Variants in CSMD1 observed in about 807,000 individuals in gnomAD.
The protein encoded by CSMD1 is CUB and Sushi multiple domains 1, also known as CUB and sushi domain-containing protein 1.
In CSMD1, 213 loss-of-function variants were observed where a neutral mutation model predicts 417.5. The ratio of observed to expected loss-of-function variants is 0.51; its 90% CI spans 0.46 to 0.57. The LOEUF is 0.57. Among genes scored for constraint, CSMD1 ranks in the 20% least tolerant of loss-of-function variants. The pLI is 0.00. For missense variants in CSMD1, 6,923 were observed against 4,529.7 expected, an observed-to-expected ratio of 1.53 and a Z score of -15.17; for synonymous variants, 2,862 against 1,736.8, an observed-to-expected ratio of 1.65 and a Z score of -16.11.
intron 1 of CSMD1, among the ~76,000 whole-genome samples, chr8:4,851,970 T>A (rs1166302731): frequency 6.6e-6 from 1 of 152,182 alleles, no homozygotes; most frequent in African/African-American, 2.4e-5. Context: ...AGTCTAAGTT[T>A]TTTCCCTATA....
At chr8:4,183,122 G>C (rs569794459) in intron 3 of CSMD1, among the ~76,000 whole-genome samples, 2 of 152,246 alleles carry the variant, frequency 1.3e-5, no homozygotes, top group African/African-American at 4.8e-5. Context: ...TCTTTATGCA[G>C]TGATAATTTT....
chr8:4,420,106 GAATTT>G (rs1429617885), intron 2 of CSMD1, 41 bp from the exon 3 acceptor site: 5 of 1,424,716 alleles, frequency 3.5e-6, no homozygotes, highest in Admixed American at 2.1e-5. Context: ...TTAAAAGCAT[GAATTT>G]GTCAAAAAAA....
chr8:4,312,767 C>A (rs11783094), intron 3 of CSMD1, among the ~76,000 whole-genome samples: 7 of 151,914 alleles, frequency 4.6e-5, no homozygotes, highest in Admixed American at 2.0e-4. Flanking sequence ...CCAGCTACTC[C>A]GGAGGCTGAA....
chr8:3,135,960 C>G (rs148810815), intron 41 of CSMD1, among the ~76,000 whole-genome samples: 5 of 152,162 alleles, frequency 3.3e-5, no homozygotes, highest in African/African-American at 1.2e-4. Context: ...TCAGGTGTCA[C>G]TGAGGCCCAG....
intron 3 of CSMD1, among the ~76,000 whole-genome samples, chr8:4,155,432 G>A (rs530031408): frequency 2.6e-5 from 4 of 152,150 alleles, no homozygotes; most frequent in Non-Finnish European, 4.4e-5. Flanking sequence ...CTGTTTGGCA[G>A]GAACCTTGTT....
chr8:3,348,623 G>T (rs559145057), intron 21 of CSMD1, among the ~76,000 whole-genome samples: 58 of 152,214 alleles, frequency 3.8e-4, no homozygotes, highest in Non-Finnish European at 7.5e-4. Flanking sequence ...GCATTCAAAG[G>T]GGAATCTAAC....
chr8:4,186,423 G>A lies in CSMD1; in HGVS notation c.416-154324C>T, dbSNP rs568428895. Among the ~76,000 whole-genome samples the A allele has an allele frequency of 1.5e-3, 228 of 152,198 alleles. 1 individual carries two copies. The highest frequency in any genetic ancestry group is 5.2e-3 in the African/African-American group (217 of 41,512). ...CAGTCCAGTCCCTGACACACTGAGA[G>A]TAAGTTTACAGAGCCCAGGTTTCCA... On this transcript the variant is annotated intron_variant, in intron 3 of 69. Transcript: ENST00000635120.
At chr8:3,776,234 G>C (rs1563068518) in intron 5 of CSMD1, among the ~76,000 whole-genome samples, 1 of 152,162 alleles carries the variant, frequency 6.6e-6, no homozygotes, top group Admixed American at 6.5e-5. Context: ...TCCGGATGGA[G>C]GTCACAGCCT....
At chr8:4,321,411 T>G (rs1175747129) in intron 3 of CSMD1, among the ~76,000 whole-genome samples, 1 of 152,118 alleles carries the variant, frequency 6.6e-6, no homozygotes, top group Non-Finnish European at 1.5e-5. Context: ...ATCCCAAACC[T>G]GCTGCTCCCA....
chr8:3,157,881 G>C lies in CSMD1; in HGVS notation c.5914+16C>G, dbSNP rs919591365. The C allele has an allele frequency of 6.5e-7, 1 of 1,546,320 alleles. No individual in the cohort carries two copies. The highest frequency in any genetic ancestry group is 8.8e-7 in the Non-Finnish European group (1 of 1,141,768). On this transcript the variant is annotated intron_variant, in intron 39 of 69. Coordinates refer to ENST00000635120, the MANE Select transcript of CSMD1 (RefSeq NM_033225.6). Reference sequence around the variant, plus strand: ...GTGTGTGCGCAGCAGCAGAGTTACAGAAGGTGCATCCTTACCAATGCACAG... The same window carrying C: ...GTGTGTGCGCAGCAGCAGAGTTACACAAGGTGCATCCTTACCAATGCACAG...
intron 5 of CSMD1, among the ~76,000 whole-genome samples, chr8:3,791,974 T>A (rs1050312653): frequency 6.6e-6 from 1 of 151,974 alleles, no homozygotes; most frequent in African/African-American, 2.4e-5. Context: ...ACACATCACT[T>A]CCTTGTTCTT....
intron 1 of CSMD1, among the ~76,000 whole-genome samples, chr8:4,837,592 G>A (rs939504090): frequency 1.3e-5 from 2 of 152,166 alleles, no homozygotes; most frequent in African/African-American, 4.8e-5. Context: ...AGAATACAAG[G>A]ATGGTTACCA....
chr8:4,377,664 G>C (rs183260229), intron 3 of CSMD1, among the ~76,000 whole-genome samples: 2 of 152,126 alleles, frequency 1.3e-5, no homozygotes, highest in Non-Finnish European at 2.9e-5. Context: ...TTTTAGCAAA[G>C]TATATATTTC....
chr8:4,879,488 A>C (rs575391220), intron 1 of CSMD1, among the ~76,000 whole-genome samples: 9 of 152,156 alleles, frequency 5.9e-5, no homozygotes, highest in Non-Finnish European at 1.2e-4. Flanking sequence ...GCAAATATGA[A>C]TTTATAACAT....
intron 1 of CSMD1, among the ~76,000 whole-genome samples, chr8:4,779,610 C>T (rs1044646943): frequency 8.5e-5 from 13 of 152,194 alleles, no homozygotes; most frequent in South Asian, 2.1e-4. Flanking sequence ...ATTAGCTGTA[C>T]GCCTCCAGCA....
chr8:4,431,464 G>A (rs1797868956), intron 2 of CSMD1, among the ~76,000 whole-genome samples: 1 of 151,976 alleles, frequency 6.6e-6, no homozygotes, highest in East Asian at 1.9e-4. Context: ...AGGAGAGGAG[G>A]GCAGAGAGAG....
chr8:4,380,830 TTC>T (rs1476084556), intron 3 of CSMD1, among the ~76,000 whole-genome samples: 3 of 152,218 alleles, frequency 2.0e-5, no homozygotes, highest in Non-Finnish European at 4.4e-5. Flanking sequence ...TTTAGAATGT[TTC>T]TGTGTTTAAT....
intron 3 of CSMD1, among the ~76,000 whole-genome samples, chr8:4,101,978 G>C (rs1338774464): frequency 6.6e-6 from 1 of 152,164 alleles, no homozygotes; most frequent in Non-Finnish European, 1.5e-5. Context: ...GAATCCCATG[G>C]TGTTGGGGAC....
intron 37 of CSMD1, among the ~76,000 whole-genome samples, chr8:3,180,189 T>C (rs1172596558): frequency 6.6e-6 from 1 of 152,206 alleles, no homozygotes; most frequent in African/African-American, 2.4e-5. Flanking sequence ...TTTTACAAGG[T>C]TTACCTGCAT....
Sources: gnomAD v4.1 joint callset for allele counts (sites outside exome capture counted in the v4.1 genomes callset) on GRCh38, gnomAD v4.1.1 for gene constraint, MANE v1.5 for transcripts, NCBI Gene and HGNC (gene_info 2026-07-23, HGNC 2026-07-21) for gene names.